EPC2: variants seen among roughly 807,000 people sequenced by gnomAD.
EPC2 encodes the protein enhancer of polycomb homolog 2.
In EPC2, 14 loss-of-function variants were observed where a neutral mutation model predicts 92.1. The observed-to-expected ratio is 0.15, with a 90% confidence interval of 0.10 to 0.24. The LOEUF is 0.24. Ranked by LOEUF, EPC2 falls within the 10% of genes least tolerant of loss-of-function variation. The pLI, the probability that EPC2 is intolerant of heterozygous loss-of-function variation, is 1.00. For synonymous variants in EPC2, 340 were observed against 334.7 expected (o/e 1.02, Z -0.17); for missense variants, 755 against 971.5 (o/e 0.78, Z 2.96).
intron 4 of EPC2, among the ~76,000 whole-genome samples, chr2:148,761,524 A>G (rs1400200446): frequency 6.6e-6 from 1 of 152,184 alleles, no homozygotes; most frequent in Non-Finnish European, 1.5e-5. Flanking sequence ...GTTTGTTTAC[A>G]TTGAAATTAT....
At position 148,772,200 on chromosome 2, in the gene EPC2, CAT is replaced by C. The variant is rs1179625413; in HGVS notation, c.1720+814_1720+815del. On this transcript the variant is annotated intron_variant, in intron 10 of 13. Coordinates refer to ENST00000258484, the MANE Select transcript of EPC2 (RefSeq NM_015630.4). ...TCAGGTTAATTTAATATTTTTATGA[CAT>C]GTACATTGTAAATAATGTATAATAT... 2.6e-5 allele frequency among the ~76,000 whole-genome samples: 4 copies of C among 152,166 alleles called. No individual in the cohort carries two copies. The East Asian group carries it at 5.8e-4, about 22-fold the overall frequency.
chr2:148,698,046 A>AC (rs1681787414), intron 2 of EPC2, among the ~76,000 whole-genome samples: 1 of 152,144 alleles, frequency 6.6e-6, no homozygotes, highest in African/African-American at 2.4e-5. Context: ...TAACAAACAA[A>AC]AAAAAAAAGG....
chr2:148,753,382 A>G (rs1181669020), intron 3 of EPC2, among the ~76,000 whole-genome samples: 3 of 152,242 alleles, frequency 2.0e-5, no homozygotes, highest in Non-Finnish European at 4.4e-5. Context: ...AGAATTCAAA[A>G]TTGCATAATG....
At chr2:148,742,567 G>A (rs945391195) in intron 2 of EPC2, among the ~76,000 whole-genome samples, 2 of 152,028 alleles carry the variant, frequency 1.3e-5, no homozygotes, top group East Asian at 3.9e-4. Flanking sequence ...GATCGCTTGA[G>A]CCCAGGAGTT....
intron 6 of EPC2, 30 bp from the exon 7 acceptor site, chr2:148,764,925 C>T: frequency 7.2e-7 from 1 of 1,394,142 alleles, no homozygotes; most frequent in Non-Finnish European, 9.4e-7. Flanking sequence ...TTATTTCTTC[C>T]TTTTGGGGGA....
At chr2:148,652,957 A>G (rs1238608121) in intron 1 of EPC2, among the ~76,000 whole-genome samples, 2 of 151,990 alleles carry the variant, frequency 1.3e-5, no homozygotes, top group Middle Eastern at 3.2e-3. Flanking sequence ...TTACCACTTG[A>G]GTTTATTTTA....
intron 2 of EPC2, among the ~76,000 whole-genome samples, chr2:148,702,311 G>T (rs1681907632): frequency 6.6e-6 from 1 of 152,216 alleles, no homozygotes; most frequent in South Asian, 2.1e-4. Context: ...TTTTTCTGGG[G>T]ATTAGGAGAT....
At chr2:148,725,230 A>T (rs1378194631) in intron 2 of EPC2, among the ~76,000 whole-genome samples, 3 of 152,058 alleles carry the variant, frequency 2.0e-5, no homozygotes, top group Admixed American at 2.0e-4. Flanking sequence ...AAATTTTAAA[A>T]TTTTGGCCTT....
intron 10 of EPC2, among the ~76,000 whole-genome samples, chr2:148,774,144 G>A (rs879829536): frequency 1.3e-5 from 2 of 152,130 alleles, no homozygotes; most frequent in Admixed American, 1.3e-4. Context: ...CCCAGCAAAT[G>A]AAGCGTTTAA....
chr2:148,661,674 T>C (rs1477384552), intron 1 of EPC2, among the ~76,000 whole-genome samples: 1 of 149,760 alleles, frequency 6.7e-6, no homozygotes, highest in East Asian at 2.0e-4. Flanking sequence ...TACATATTTA[T>C]AATAGCATAT....
In EPC2 at chr2:148,733,367, G is replaced by A. The variant is rs188120283; in HGVS notation, c.314-10255G>A. ...CAAATCTTTTTTGTGTAAAGGGCTA[G>A]TTAGTAAATATATTGGGTTCTGGGA... is the stretch of plus-strand genomic sequence containing the variant. On this transcript the variant is annotated intron_variant, in intron 2 of 13. Coordinates refer to ENST00000258484, the MANE Select transcript of EPC2 (RefSeq NM_015630.4). 2.7e-5 allele frequency among the ~76,000 whole-genome samples: 4 copies of A among 149,464 alleles called. No individual in the cohort carries two copies. In the Admixed American group the frequency reaches 2.7e-4, roughly 10 times the overall value.
chr2:148,737,652 A>C (rs1682789587), intron 2 of EPC2, among the ~76,000 whole-genome samples: 1 of 152,134 alleles, frequency 6.6e-6, no homozygotes, highest in Non-Finnish European at 1.5e-5. Flanking sequence ...TGGAAGGAAA[A>C]ATAGTTGCAT....
At position 148,783,593 on chromosome 2, in the gene EPC2, A is replaced by G. The variant is rs372449432; in HGVS notation, c.1858-4A>G. The G allele has an allele frequency of 6.2e-7, 1 of 1,601,638 alleles. No individual in the cohort carries two copies. The highest frequency in any genetic ancestry group is 8.5e-7 in the Non-Finnish European group (1 of 1,173,410). On this transcript the variant is annotated splice_polypyrimidine_tract_variant and splice_region_variant and intron_variant, in intron 11 of 13. Coordinates refer to ENST00000258484, the MANE Select transcript of EPC2 (RefSeq NM_015630.4). ...TAGAGTGTTTAACTTTGTTCATTTT[A>G]TAGGGCTCAAGCACCTCTGACTGTA...
At chr2:148,756,324 C>T (rs1375188076) in intron 4 of EPC2, among the ~76,000 whole-genome samples, 1 of 152,154 alleles carries the variant, frequency 6.6e-6, no homozygotes, top group Non-Finnish European at 1.5e-5. Flanking sequence ...ATCATGCTCA[C>T]CATTGCTAGT....
At chr2:148,710,834 C>T (rs934027300) in intron 2 of EPC2, among the ~76,000 whole-genome samples, 162 of 151,912 alleles carry the variant, frequency 1.1e-3, no homozygotes, top group Non-Finnish European at 1.9e-4. Context: ...CATCACACAC[C>T]GGGGCCTGTT....
chr2:148,658,636 T>TA (rs1680867145), intron 1 of EPC2, among the ~76,000 whole-genome samples: 2 of 151,018 alleles, frequency 1.3e-5, no homozygotes, highest in Admixed American at 6.6e-5. Flanking sequence ...TATATATGCA[T>TA]TTTTCCCTTT....
At chr2:148,732,332 T>C (rs565316254) in intron 2 of EPC2, among the ~76,000 whole-genome samples, 1 of 152,182 alleles carries the variant, frequency 6.6e-6, no homozygotes, top group South Asian at 2.1e-4. Flanking sequence ...TATTGCAGTC[T>C]GTTTGTCTCA....
In EPC2 at chr2:148,710,121, A is replaced by T. The variant is rs191860157; in HGVS notation, c.313+19748A>T. On this transcript the variant is annotated intron_variant, in intron 2 of 13. Coordinates refer to ENST00000258484, the MANE Select transcript of EPC2 (RefSeq NM_015630.4). ...CATCTGACAAAGGGGTAATATCCAG[A>T]ATCTACAAAGAACTTAATCAAATTT... Among the ~76,000 whole-genome samples, 151 of 152,360 alleles carry T rather than the reference A, an allele frequency of 9.9e-4. 1 individual carries two copies. Among genetic ancestry groups the T allele is most frequent in the Non-Finnish European group, 1.2e-4 (8 of 68,038 alleles).
rs183059529 is a variant in EPC2, at chr2:148,757,136, G to A, written c.666+3003G>A. On this transcript the variant is annotated intron_variant, in intron 4 of 13. Coordinates refer to ENST00000258484, the MANE Select transcript of EPC2 (RefSeq NM_015630.4). ...TCACGCCTGTAATCCCAGCACTTTCGGAGACTGAGGCGGGCGAATCACAAG... is the reference window on the plus strand; with the variant it reads ...TCACGCCTGTAATCCCAGCACTTTCAGAGACTGAGGCGGGCGAATCACAAG... 7.9e-3 allele frequency among the ~76,000 whole-genome samples: 1,197 copies of A among 152,164 alleles called. 11 individuals are homozygous for A. Among genetic ancestry groups the A allele is most frequent in the Middle Eastern group, 0.017 (5 of 294 alleles).
Sources: gnomAD v4.1 joint callset for allele counts (sites outside exome capture counted in the v4.1 genomes callset) on GRCh38, gnomAD v4.1.1 for gene constraint, MANE v1.5 for transcripts, NCBI Gene and HGNC (gene_info 2026-07-23, HGNC 2026-07-21) for gene names.